Variants in MMP16 observed in about 807,000 individuals in gnomAD.
MMP16 encodes matrix metalloproteinase-16.
MMP16 carries 12 observed loss-of-function variants against 67.8 expected under a neutral mutation model. The ratio of observed to expected loss-of-function variants is 0.18; its 90% CI spans 0.11 to 0.29. The LOEUF (loss-of-function observed/expected upper bound fraction) is 0.29. Among genes scored for constraint, MMP16 ranks in the 10% least tolerant of loss-of-function variants. MMP16 has a pLI of 1.00. For missense variants in MMP16, 475 were observed against 765.7 expected (o/e 0.62, Z 4.48); for synonymous variants, 249 against 255.9 (o/e 0.97, Z 0.26).
chr8:88,311,536 A>T (rs1172077305), intron 1 of MMP16, among the ~76,000 whole-genome samples: 2 of 152,186 alleles, frequency 1.3e-5, no homozygotes, highest in Non-Finnish European at 2.9e-5. Flanking sequence ...GATCTAAAAC[A>T]ATGCCACCTT....
chr8:88,105,289 T>C (rs1809218288), intron 6 of MMP16, among the ~76,000 whole-genome samples: 1 of 151,596 alleles, frequency 6.6e-6, no homozygotes, highest in Non-Finnish European at 1.5e-5. Context: ...AGTAGATATC[T>C]TTGTTCATTT....
intron 1 of MMP16, among the ~76,000 whole-genome samples, chr8:88,302,824 C>T (rs747652434): frequency 1.3e-5 from 2 of 152,126 alleles, no homozygotes; most frequent in Admixed American, 6.6e-5. Context: ...ACCAGGTTCT[C>T]GCACTGGCAC....
chr8:88,070,341 A>T (rs1223670894), intron 7 of MMP16, among the ~76,000 whole-genome samples: 1 of 152,132 alleles, frequency 6.6e-6, no homozygotes, highest in African/African-American at 2.4e-5. Flanking sequence ...GGATATTTCT[A>T]GGATAATTAT....
intron 1 of MMP16, among the ~76,000 whole-genome samples, chr8:88,269,094 TC>T (rs1810524742): frequency 6.6e-6 from 1 of 152,144 alleles, no homozygotes; most frequent in Non-Finnish European, 1.5e-5. Context: ...ACAGAGAGCC[TC>T]TTATAGACTT....
intron 8 of MMP16, among the ~76,000 whole-genome samples, chr8:88,047,684 G>A (rs1046957954): frequency 6.6e-6 from 1 of 152,206 alleles, no homozygotes; most frequent in African/African-American, 2.4e-5. Flanking sequence ...CATGGTGAGA[G>A]TAAGAACCAG....
At chr8:88,171,199 A>G (rs1339149399) in intron 3 of MMP16, among the ~76,000 whole-genome samples, 1 of 152,194 alleles carries the variant, frequency 6.6e-6, no homozygotes, top group Non-Finnish European at 1.5e-5. Flanking sequence ...TTTCAAAGCT[A>G]TGTACTGATT....
At chr8:88,201,979 C>T (rs1586202488) in intron 1 of MMP16, among the ~76,000 whole-genome samples, 2 of 152,170 alleles carry the variant, frequency 1.3e-5, no homozygotes, top group Admixed American at 6.5e-5. Flanking sequence ...ATTAAACTCA[C>T]GTTGGAGTAA....
Position 88,327,218 on chromosome 8 carries a change from C to T in MMP16, c.-12G>A. On this transcript the variant is annotated 5_prime_UTR_variant, in exon 1 of 10. Coordinates refer to ENST00000286614, the MANE Select transcript of MMP16 (RefSeq NM_005941.5). ...GTGAGTAAGATCATAGTGAACTGTG[C>T]TTCAATGGATGGACGAGCTCCCCTT... is the stretch of plus-strand genomic sequence containing the variant. 6.2e-7 allele frequency: 1 copy of T among 1,613,712 alleles called. No homozygotes were observed.
intron 2 of MMP16, among the ~76,000 whole-genome samples, chr8:88,194,184 C>G (rs1187971516): frequency 6.6e-6 from 1 of 151,422 alleles, no homozygotes; most frequent in Non-Finnish European, 1.5e-5. Flanking sequence ...TTTTAATTAC[C>G]CAGTAATTAC....
At chr8:88,244,195 A>G (rs1236603595) in intron 1 of MMP16, among the ~76,000 whole-genome samples, 1 of 152,192 alleles carries the variant, frequency 6.6e-6, no homozygotes, top group Non-Finnish European at 1.5e-5. Context: ...CATAAATGCA[A>G]ACTCCTCGGC....
At chr8:88,107,041 T>C (rs905695540) in intron 6 of MMP16, among the ~76,000 whole-genome samples, 1 of 151,240 alleles carries the variant, frequency 6.6e-6, no homozygotes, top group Non-Finnish European at 1.5e-5. Context: ...AGTACTTTTA[T>C]GGTTTAATAT....
At chr8:88,249,253 A>C (rs1214390755) in intron 1 of MMP16, among the ~76,000 whole-genome samples, 1 of 152,100 alleles carries the variant, frequency 6.6e-6, no homozygotes, top group Non-Finnish European at 1.5e-5. Context: ...AGGGAAGTTT[A>C]AGAGAAAACA....
chr8:88,063,693 A>G (rs980973268), intron 7 of MMP16, among the ~76,000 whole-genome samples: 1 of 152,010 alleles, frequency 6.6e-6, no homozygotes, highest in Non-Finnish European at 1.5e-5. Flanking sequence ...CCACACCGCC[A>G]GGTGCTAATG....
intron 4 of MMP16, among the ~76,000 whole-genome samples, chr8:88,148,735 A>G (rs2129639898): frequency 1.5e-5 from 2 of 130,426 alleles, no homozygotes; most frequent in South Asian, 4.9e-4. Flanking sequence ...TTTCTTTAGT[A>G]GTAAGAAGAA....
At chr8:88,267,819 G>A (rs1157540626) in intron 1 of MMP16, among the ~76,000 whole-genome samples, 1 of 151,990 alleles carries the variant, frequency 6.6e-6, no homozygotes, top group East Asian at 1.9e-4. Flanking sequence ...TAGAAATTAG[G>A]GCAATATACT....
intron 6 of MMP16, among the ~76,000 whole-genome samples, chr8:88,114,689 C>A (rs990800698): frequency 6.6e-6 from 1 of 151,858 alleles, no homozygotes; most frequent in Non-Finnish European, 1.5e-5. Flanking sequence ...AGAAATTATT[C>A]TTAGAAAGAA....
At chr8:88,319,503 T>G (rs1811425721) in intron 1 of MMP16, among the ~76,000 whole-genome samples, 1 of 151,512 alleles carries the variant, frequency 6.6e-6, no homozygotes. Flanking sequence ...AAAGAAGGAA[T>G]GAATGCACAG....
intron 1 of MMP16, among the ~76,000 whole-genome samples, chr8:88,205,283 C>A (rs1040662325): frequency 6.6e-6 from 1 of 152,136 alleles, no homozygotes; most frequent in African/African-American, 2.4e-5. Context: ...TTAATTTAGA[C>A]TGCCTTTTAG....
intron 4 of MMP16, among the ~76,000 whole-genome samples, chr8:88,141,535 C>T (rs1303458115): frequency 3.9e-5 from 6 of 152,160 alleles, no homozygotes; most frequent in African/African-American, 1.4e-4. Context: ...TTACCTCAGA[C>T]ACATTATCTA....
Sources: allele counts gnomAD v4.1 joint callset (sites outside exome capture counted in the v4.1 genomes callset), GRCh38; gene constraint gnomAD v4.1.1; transcripts MANE v1.5; gene names NCBI Gene and HGNC (gene_info 2026-07-23, HGNC 2026-07-21).